RBM20: variants seen among roughly 807,000 people sequenced by gnomAD.
RBM20 encodes RNA binding motif protein 20, also known as RNA-binding protein 20.
Under a neutral mutation model 110.1 loss-of-function variants are expected in RBM20, and 51 were observed. That is an observed-to-expected ratio of 0.46 (90% CI 0.37 to 0.59). The LOEUF is 0.59. RBM20 is among the 20% of genes least tolerant of loss of function. The pLI is 0.00. For missense variants in RBM20, 1,512 were observed against 1,574.9 expected (o/e 0.96, Z 0.68); for synonymous variants, 589 against 618.2 (o/e 0.95, Z 0.70).
intron 1 of RBM20, among the ~76,000 whole-genome samples, chr10:110,735,226 A>C (rs1843658525): frequency 6.6e-6 from 1 of 152,244 alleles, no homozygotes; most frequent in Non-Finnish European, 1.5e-5. Context: ...TATAGGAAAA[A>C]ATAAATAGTA....
chr10:110,683,487 A>C (rs1862452914), intron 1 of RBM20, among the ~76,000 whole-genome samples: 1 of 152,214 alleles, frequency 6.6e-6, no homozygotes, highest in Non-Finnish European at 1.5e-5. Context: ...GAGTGGTTCC[A>C]GTTATTATCT....
Position 110,690,040 on chromosome 10 carries a change from G to A in RBM20, c.191+45395G>A, listed in dbSNP as rs1261542839. ...CAGTTATCTTAAAAACCCTGGAAAT[G>A]AGTGATTTAAAATAAACAACTATGG... On this transcript the variant is annotated intron_variant, in intron 1 of 13. Transcript: ENST00000369519. 2.0e-5 allele frequency among the ~76,000 whole-genome samples: 3 copies of A among 152,296 alleles called. No homozygotes were observed. The East Asian group carries it at 5.8e-4, about 29-fold the overall frequency.
intron 1 of RBM20, among the ~76,000 whole-genome samples, chr10:110,697,913 CT>C (rs1235614720): frequency 2.2e-4 from 26 of 117,934 alleles, no homozygotes; most frequent in South Asian, 5.4e-4. Context: ...TTTTTTTTTT[CT>C]TTTTTTTTTT....
At chr10:110,752,945 ATTTTT>A (rs71492062) in intron 1 of RBM20, among the ~76,000 whole-genome samples, 6 of 109,012 alleles carry the variant, frequency 5.5e-5, no homozygotes, top group African/African-American at 1.9e-4. Context: ...ATATATATAT[ATTTTT>A]TTTTTTTTTA....
chr10:110,644,431 G>A lies in RBM20; in HGVS notation c.-24G>A. ...CCCCTCCCTTGAGCTCTCTCGCCGC[G>A]ATCCCGGGCGGGTCTCGCCCCGCAT... is the stretch of plus-strand genomic sequence containing the variant. On this transcript the variant is annotated 5_prime_UTR_variant, in exon 1 of 14. Transcript: ENST00000369519. The surrounding 1 kb of genome is among the most constrained non-coding windows in gnomAD (Gnocchi z 4.3). 6.9e-7 allele frequency: 1 copy of A among 1,451,308 alleles called. No individual in the cohort carries two copies. Among genetic ancestry groups the A allele is most frequent in the African/African-American group, 1.5e-5 (1 of 67,558 alleles). 89.9% of individuals were successfully genotyped at this position (1,451,308 alleles called of 1,614,324 possible).
intron 7 of RBM20, among the ~76,000 whole-genome samples, chr10:110,807,427 G>C (rs961037082): frequency 2.0e-5 from 3 of 152,258 alleles, no homozygotes; most frequent in Admixed American, 6.5e-5. Context: ...TGGGCCACTA[G>C]AGGATGTTTT....
chr10:110,790,640 T>C (rs2135060650), intron 5 of RBM20, among the ~76,000 whole-genome samples: 1 of 152,366 alleles, frequency 6.6e-6, no homozygotes, highest in South Asian at 2.1e-4. Context: ...CCAGATAACG[T>C]CATACAATCT....
intron 5 of RBM20, among the ~76,000 whole-genome samples, chr10:110,789,321 T>G (rs1844456500): frequency 6.6e-6 from 1 of 152,168 alleles, no homozygotes; most frequent in Non-Finnish European, 1.5e-5. Flanking sequence ...CACCAAGCCC[T>G]TCTGGGGACA....
rs1395153921 is a variant in RBM20, at chr10:110,831,098, C to T, written c.3489C>T (p.Cys1163=). The change falls in exon 13 of 14, where the codon TGC becomes TGT. Residue 1163 remains cysteine (C), a synonymous_variant. Coordinates refer to ENST00000369519, the MANE Select transcript of RBM20 (RefSeq NM_001134363.3). ...EFVVPRTGFY[C]KLCGLFYTSE... ...TGGTTCCCAGGACTGGCTTTTATTG[C>T]AAGCTGTGTGGGCTGTTCTACACGA... 1 of 1,551,428 alleles carries T rather than the reference C, an allele frequency of 6.4e-7. No homozygotes were observed. The highest frequency in any genetic ancestry group is 2.0e-5 in the Admixed American group (1 of 50,972).
At chr10:110,743,335 G>A (rs907730719) in intron 1 of RBM20, among the ~76,000 whole-genome samples, 2 of 152,154 alleles carry the variant, frequency 1.3e-5, no homozygotes, top group South Asian at 2.1e-4. Context: ...CTTGCCAAAA[G>A]GGGTAAGAGT....
rs765939368 is a variant in RBM20, at chr10:110,812,328, C to G, written c.1931C>G (p.Ser644Cys). The G allele has an allele frequency of 6.4e-7, 1 of 1,551,414 alleles. No homozygotes were observed. The highest frequency in any genetic ancestry group is 1.2e-5 in the South Asian group (1 of 84,052). The change falls in exon 9 of 14, where the codon TCC becomes TGC. Residue 644 changes from serine to cysteine, a missense_variant. By Grantham distance (112) the Ser-to-Cys change is moderately radical (BLOSUM62 -1). This residue lies in a region of RBM20 where 1,149 missense variants were observed against 1,169.4 expected (regional missense o/e 0.98). Transcript: ENST00000369519. Reference protein sequence around the residue: ...RSRSPVSRSLSPRSHTPSFTS... With the variant: ...RSRSPVSRSLCPRSHTPSFTS... Reference sequence around the variant, plus strand: ...CGTAGTCCGGTGAGCCGGTCACTCTCCCCGAGGTCCCACACTCCCAGCTTC... The same window carrying G: ...CGTAGTCCGGTGAGCCGGTCACTCTGCCCGAGGTCCCACACTCCCAGCTTC...
chr10:110,700,198 C>G (rs1021291390), intron 1 of RBM20, among the ~76,000 whole-genome samples: 3 of 152,216 alleles, frequency 2.0e-5, no homozygotes, highest in African/African-American at 7.2e-5. Flanking sequence ...CATGCCTCCC[C>G]CTAGTCCCTC....
chr10:110,694,688 T>G (rs189581406), intron 1 of RBM20, among the ~76,000 whole-genome samples: 1 of 148,506 alleles, frequency 6.7e-6, no homozygotes, highest in East Asian at 2.1e-4. Flanking sequence ...TGGGTTAAGA[T>G]AGCAATTTCC....
At chr10:110,650,304 A>G (rs188653881) in intron 1 of RBM20, among the ~76,000 whole-genome samples, 1 of 152,344 alleles carries the variant, frequency 6.6e-6, no homozygotes, top group East Asian at 1.9e-4. Flanking sequence ...TTATAAGATA[A>G]GTAAGTCCCC....
At chr10:110,650,813 A>G (rs1039884854) in intron 1 of RBM20, among the ~76,000 whole-genome samples, 1 of 152,172 alleles carries the variant, frequency 6.6e-6, no homozygotes, top group Non-Finnish European at 1.5e-5. Flanking sequence ...CTGCCCTTCA[A>G]CCTGCCCTCC....
chr10:110,677,051 G>C (rs1050097612), intron 1 of RBM20, among the ~76,000 whole-genome samples: 3 of 152,108 alleles, frequency 2.0e-5, no homozygotes, highest in African/African-American at 7.2e-5. Context: ...TTATAGTTAT[G>C]GGGGCTGAGA....
intron 1 of RBM20, among the ~76,000 whole-genome samples, chr10:110,662,445 A>G (rs1862117985): frequency 6.6e-6 from 1 of 152,248 alleles, no homozygotes; most frequent in Non-Finnish European, 1.5e-5. Context: ...TCTAAAATGT[A>G]GAGAATTGAA....
At chr10:110,758,396 A>G (rs1048324886) in intron 1 of RBM20, among the ~76,000 whole-genome samples, 2 of 152,200 alleles carry the variant, frequency 1.3e-5, no homozygotes, top group African/African-American at 4.8e-5. Flanking sequence ...GTAATTTTAT[A>G]GTGATAAAGA....
intron 1 of RBM20, among the ~76,000 whole-genome samples, chr10:110,737,627 T>TC (rs1176555746): frequency 6.6e-6 from 1 of 151,884 alleles, no homozygotes; most frequent in Non-Finnish European, 1.5e-5. Flanking sequence ...TTGCCTTTTT[T>TC]TTTTTGAGTT....
Sources: allele counts gnomAD v4.1 joint callset (sites outside exome capture counted in the v4.1 genomes callset), GRCh38; gene constraint gnomAD v4.1.1; regional missense constraint gnomAD v4.1.1; non-coding constraint Gnocchi (gnomAD v3.1); transcripts MANE v1.5; gene names NCBI Gene and HGNC (gene_info 2026-07-23, HGNC 2026-07-21).